Variants in ZNF385D observed in about 807,000 individuals in gnomAD.
ZNF385D encodes zinc finger protein 659.
ZNF385D carries 15 observed loss-of-function variants against 35.8 expected under a neutral mutation model. That is an observed-to-expected ratio of 0.42 (90% CI 0.28 to 0.64). The LOEUF (loss-of-function observed/expected upper bound fraction) is 0.64, where lower values mean the gene tolerates loss of function less well. ZNF385D is among the 30% of genes least tolerant of loss of function. The pLI is 0.23. For missense variants in ZNF385D, 474 were observed against 494.6 expected (o/e 0.96, Z 0.39); for synonymous variants, 212 against 186.8 (o/e 1.13, Z -1.10).
intron 3 of ZNF385D, among the ~76,000 whole-genome samples, chr3:21,956,623 G>C (rs1702303711): frequency 6.6e-6 from 1 of 151,998 alleles, no homozygotes; most frequent in Admixed American, 6.6e-5. Flanking sequence ...TTTGTTCACA[G>C]TGGTTAATGC....
In ZNF385D at chr3:21,416,623, C is replaced by T. The variant is rs568336178; in HGVS notation, c.*4591G>A. The T allele has an allele frequency of 4.0e-4, 61 of 152,088 alleles. No individual in the cohort carries two copies. Among genetic ancestry groups the T allele is most frequent in the African/African-American group, 1.4e-3 (57 of 41,494 alleles). 9.4% of individuals were successfully genotyped at this position (152,088 alleles called of 1,614,324 possible). ...CACAAGAGATGCTCCAGAGATAAAT[C>T]TCCCCATGTAGAAAGAAAAAAAAAT... is the stretch of plus-strand genomic sequence containing the variant. On this transcript the variant is annotated 3_prime_UTR_variant, in exon 8 of 8. Transcript: ENST00000281523.
At chr3:21,524,829 G>A (rs1708126988) in intron 3 of ZNF385D, among the ~76,000 whole-genome samples, 1 of 152,094 alleles carries the variant, frequency 6.6e-6, no homozygotes, top group Non-Finnish European at 1.5e-5. Flanking sequence ...ATTAATCAAG[G>A]GCTGACTATA....
Position 22,283,894 on chromosome 3 carries a change from T to A in ZNF385D, c.106+88556A>T, listed in dbSNP as rs576625814. 2.0e-5 allele frequency among the ~76,000 whole-genome samples: 3 copies of A among 152,280 alleles called. No individual in the cohort carries two copies. The East Asian group carries it at 5.8e-4, about 29-fold the overall frequency. On this transcript the variant is annotated intron_variant, in intron 2 of 5. Transcript: ENST00000494108. ...CAGGAATAATGCATTTCTAGTGACA[T>A]CTGACCCTCAAGTTCTTTTAGTTCT...
At chr3:21,933,107 T>A (rs1701095100) in intron 3 of ZNF385D, among the ~76,000 whole-genome samples, 1 of 152,218 alleles carries the variant, frequency 6.6e-6, no homozygotes, top group Non-Finnish European at 1.5e-5. Flanking sequence ...TGTGTGGTGA[T>A]GTTCTCCAGG....
At chr3:22,347,876 A>G (rs1010303836) in intron 2 of ZNF385D, among the ~76,000 whole-genome samples, 1 of 152,162 alleles carries the variant, frequency 6.6e-6, no homozygotes, top group Non-Finnish European at 1.5e-5. Flanking sequence ...AAACTCACCC[A>G]TCACTCAAAC....
chr3:21,595,127 C>T (rs919374015), intron 2 of ZNF385D, among the ~76,000 whole-genome samples: 2 of 152,306 alleles, frequency 1.3e-5, no homozygotes, highest in Middle Eastern at 3.4e-3. Context: ...TCACATACAT[C>T]AGGGAACTAC....
chr3:22,013,328 G>A (rs914088560), intron 3 of ZNF385D, among the ~76,000 whole-genome samples: 2 of 152,090 alleles, frequency 1.3e-5, no homozygotes, highest in African/African-American at 2.4e-5. Context: ...TGCTAATGAA[G>A]TTAGATATTT....
intron 1 of ZNF385D, 84 bp downstream of exon 1, chr3:21,750,811 T>G: frequency 1.9e-6 from 3 of 1,566,764 alleles, no homozygotes; most frequent in Non-Finnish European, 1.8e-6. Flanking sequence ...ATATTCTTGC[T>G]GCTTAAAGAA....
intron 3 of ZNF385D, among the ~76,000 whole-genome samples, chr3:21,948,145 C>T (rs1301775341): frequency 1.3e-5 from 2 of 152,022 alleles, no homozygotes; most frequent in African/African-American, 4.8e-5. Context: ...TAACATCTGA[C>T]AGTTCAATCC....
At chr3:21,477,655 C>A (rs563699980) in intron 4 of ZNF385D, among the ~76,000 whole-genome samples, 1 of 152,264 alleles carries the variant, frequency 6.6e-6, no homozygotes, top group African/African-American at 2.4e-5. Flanking sequence ...TCCTCCCTAT[C>A]TAACCCTGAC....
In ZNF385D at chr3:21,665,006, A is replaced by G. The variant is rs765354111; in HGVS notation, c.45T>C (p.Ala15=). The G allele has an allele frequency of 1.9e-6, 3 of 1,612,438 alleles. No individual in the cohort carries two copies. Among genetic ancestry groups the G allele is most frequent in the South Asian group, 2.2e-5 (2 of 90,878 alleles). Residue 15 remains alanine, a synonymous_variant, in exon 2 of 8, where the codon GCT becomes GCC. Coordinates refer to ENST00000281523, the MANE Select transcript of ZNF385D (RefSeq NM_024697.3). ...MYFGGTCQSP[A]LPALVRPPAP... ...CTGGTGGACGGACAAGGGCCGGGAG[A>G]GCAGGACTCTGGCATGTACCACCTG...
At chr3:22,082,816 C>G (rs1047358186) in intron 3 of ZNF385D, among the ~76,000 whole-genome samples, 8 of 152,152 alleles carry the variant, frequency 5.3e-5, no homozygotes, top group African/African-American at 1.9e-4. Flanking sequence ...CGACTGACAC[C>G]TCATACAGCA....
intron 2 of ZNF385D, among the ~76,000 whole-genome samples, chr3:22,199,091 C>G (rs1696612981): frequency 6.6e-6 from 1 of 152,030 alleles, no homozygotes; most frequent in South Asian, 2.1e-4. Context: ...CTCTCAGAAT[C>G]TCTTAGCTCT....
chr3:22,003,225 A>C (rs1023135421), intron 3 of ZNF385D, among the ~76,000 whole-genome samples: 1 of 152,222 alleles, frequency 6.6e-6, no homozygotes, highest in African/African-American at 2.4e-5. Context: ...AATTCAGCTA[A>C]CTTGCAGGAT....
intron 1 of ZNF385D, among the ~76,000 whole-genome samples, chr3:21,709,295 T>C (rs2068015862): frequency 6.6e-6 from 1 of 152,194 alleles, no homozygotes; most frequent in Non-Finnish European, 1.5e-5. Context: ...GTGTTTTCTA[T>C]GCTAATCTTC....
intron 1 of ZNF385D, among the ~76,000 whole-genome samples, chr3:21,748,961 T>C (rs2069919780): frequency 6.6e-6 from 1 of 152,178 alleles, no homozygotes; most frequent in Non-Finnish European, 1.5e-5. Context: ...CCCAAAGTTG[T>C]GGATATCTAA....
chr3:22,231,540 T>C (rs1337722263), intron 2 of ZNF385D, among the ~76,000 whole-genome samples: 1 of 152,100 alleles, frequency 6.6e-6, no homozygotes, highest in East Asian at 1.9e-4. Context: ...TGCTGCTGAG[T>C]GAGCTCTCTG....
chr3:21,971,466 A>G (rs566300232), intron 3 of ZNF385D, among the ~76,000 whole-genome samples: 35 of 86,778 alleles, frequency 4.0e-4, no homozygotes, highest in African/African-American at 1.1e-3. Flanking sequence ...TCTCAAATCA[A>G]AAAAAATAAT....
At chr3:22,270,102 G>C (rs1231855832) in intron 2 of ZNF385D, among the ~76,000 whole-genome samples, 3 of 151,840 alleles carry the variant, frequency 2.0e-5, no homozygotes, top group Non-Finnish European at 4.4e-5. Flanking sequence ...CCCTACTTTA[G>C]GGACCAAGGG....
Sources: gnomAD v4.1 joint callset for allele counts (sites outside exome capture counted in the v4.1 genomes callset) on GRCh38, gnomAD v4.1.1 for gene constraint, MANE v1.5 for transcripts, NCBI Gene and HGNC (gene_info 2026-07-23, HGNC 2026-07-21) for gene names.